The following LNPEP variants were observed in gnomAD, a reference collection of about 807,000 sequenced individuals.
The protein encoded by LNPEP is leucyl-cystinyl aminopeptidase.
In LNPEP, 64 loss-of-function variants were observed where a neutral mutation model predicts 120.6. The observed-to-expected ratio is 0.53, with a 90% CI of 0.43 to 0.65. The LOEUF is 0.65. LNPEP is among the 30% of genes least tolerant of loss of function. The probability of loss-of-function intolerance (pLI) is 0.00; values close to 1 mark genes in which losing one functional copy is unlikely to be tolerated. For missense variants in LNPEP, 1,057 were observed against 1,200.0 expected, an observed-to-expected ratio of 0.88 and a Z score of 1.76; for synonymous variants, 435 against 425.4, an observed-to-expected ratio of 1.02 and a Z score of -0.28.
chr5:96,966,913 A>G (rs1175124614), intron 1 of LNPEP, among the ~76,000 whole-genome samples: 1 of 152,072 alleles, frequency 6.6e-6, no homozygotes, highest in Non-Finnish European at 1.5e-5. Context: ...CACAGCACAC[A>G]TTAGTAGGTA....
In LNPEP at chr5:97,030,812, T is replaced by G. The variant is rs1274441346; in HGVS notation, c.*2279T>G. The G allele has an allele frequency of 1.3e-5, 2 of 152,096 alleles. No homozygotes were observed. The highest frequency in any genetic ancestry group is 2.9e-5 in the Non-Finnish European group (2 of 68,010). The allele number at this position is 152,096 out of a possible 1,614,324, so 9.4% of individuals were successfully genotyped here. On this transcript the variant is annotated 3_prime_UTR_variant, in exon 18 of 18. Transcript: ENST00000231368. Reference sequence around the variant, plus strand: ...TCCATAATAGTTGTAGTTTTTTTGATGTTGTTGCCCTTACCTTAATTATTT... The same window carrying G: ...TCCATAATAGTTGTAGTTTTTTTGAGGTTGTTGCCCTTACCTTAATTATTT...
chr5:97,017,595 A>G (rs1232198244), intron 13 of LNPEP, among the ~76,000 whole-genome samples: 2 of 152,036 alleles, frequency 1.3e-5, no homozygotes, highest in Non-Finnish European at 2.9e-5. Context: ...ATTTTTGTGG[A>G]TGGTGTGAGG....
chr5:97,026,708 T>G lies in LNPEP; in HGVS notation c.2815T>G (p.Leu939Val). The G allele has an allele frequency of 6.2e-7, 1 of 1,613,506 alleles. No homozygotes were observed. The highest frequency in any genetic ancestry group is 8.5e-7 in the Non-Finnish European group (1 of 1,179,416). Residue 939 changes from leucine (L) to valine (V), a missense_variant, in exon 16 of 18, where the codon TTA (leucine) becomes GTA (valine). Leu to Val is a conservative substitution (Grantham distance 32, BLOSUM62 1). Transcript: ENST00000231368. ...RTVGRHFPGH[L>V]LAWDFVKENW... Reference sequence around the variant, plus strand: ...AGTGGGTCGACATTTTCCTGGACACTTACTGGCATGGGATTTTGTCAAAGA... The same window carrying G: ...AGTGGGTCGACATTTTCCTGGACACGTACTGGCATGGGATTTTGTCAAAGA...
chr5:97,008,473 G>A (rs1182770766), intron 11 of LNPEP, among the ~76,000 whole-genome samples: 15 of 142,280 alleles, frequency 1.1e-4, no homozygotes, highest in Admixed American at 2.2e-4. Context: ...GCCTCAGCCT[G>A]CCAAGAAGTT....
chr5:97,002,688 A>C (rs1233491638), intron 8 of LNPEP, among the ~76,000 whole-genome samples: 1 of 152,218 alleles, frequency 6.6e-6, no homozygotes, highest in African/African-American at 2.4e-5. Context: ...TGAGGAAATA[A>C]ATGTGTAACA....
chr5:97,009,025 C>T (rs779620541), intron 11 of LNPEP, among the ~76,000 whole-genome samples: 1 of 152,092 alleles, frequency 6.6e-6, no homozygotes, highest in Non-Finnish European at 1.5e-5. Context: ...CATAGACTAG[C>T]TCATATTTTA....
At chr5:96,944,549 T>TC in intron 1 of LNPEP, among the ~76,000 whole-genome samples, 1 of 147,758 alleles carries the variant, frequency 6.8e-6, no homozygotes, top group East Asian at 2.0e-4. Flanking sequence ...TTTTTGTTTT[T>TC]CTTATTTTTG....
At chr5:96,937,925 G>T (rs1349462464) in intron 1 of LNPEP, among the ~76,000 whole-genome samples, 4 of 152,160 alleles carry the variant, frequency 2.6e-5, no homozygotes, top group Non-Finnish European at 5.9e-5. Flanking sequence ...TTGGATTTCT[G>T]ATTCTTTCCT....
At chr5:96,954,772 A>ATTTTTTTTTTT (rs1160402498) in intron 1 of LNPEP, among the ~76,000 whole-genome samples, 1 of 27,110 alleles carries the variant, frequency 3.7e-5, no homozygotes, top group African/African-American at 1.5e-4. Flanking sequence ...ATATATATAT[A>ATTTTTTTTTTT]TTTTTTTTTT....
At chr5:96,937,341 G>A (rs985764998) in intron 1 of LNPEP, 1 of 152,184 alleles carries the variant, frequency 6.6e-6, no homozygotes, top group Admixed American at 6.5e-5. Flanking sequence ...TCCTAATGTA[G>A]AATGCTTTAT....
chr5:97,005,755 A>C (rs977501108), intron 9 of LNPEP, among the ~76,000 whole-genome samples: 1 of 152,130 alleles, frequency 6.6e-6, no homozygotes, highest in African/African-American at 2.4e-5. Context: ...TAGGGATTTT[A>C]ACTTGATGAA....
chr5:97,034,907 G>A lies in LNPEP; in HGVS notation c.*6374G>A, dbSNP rs7715939. On this transcript the variant is annotated 3_prime_UTR_variant, in exon 18 of 18. Coordinates refer to ENST00000231368, the MANE Select transcript of LNPEP (RefSeq NM_005575.3). ...TAGAATAGATGTTTGGTTTCTTTTG[G>A]GGGTGTCTGAGTGTATATGTGTGTG... 1.3e-4 allele frequency: 20 copies of A among 151,628 alleles called. No homozygotes were observed. The highest frequency in any genetic ancestry group is 4.8e-4 in the African/African-American group (20 of 41,318). The allele number at this position is 151,628 out of a possible 1,614,324, so 9.4% of individuals were successfully genotyped here. A position where few individuals can be genotyped will look rare whatever the true frequency, so the allele number is the denominator to read the frequency against.
chr5:96,943,829 A>T (rs1034185615), intron 1 of LNPEP, among the ~76,000 whole-genome samples: 4 of 152,220 alleles, frequency 2.6e-5, no homozygotes, highest in Non-Finnish European at 5.9e-5. Flanking sequence ...CATATTGCTT[A>T]ATGAAGGTAC....
chr5:96,985,790 G>A (rs1334048963), intron 3 of LNPEP, among the ~76,000 whole-genome samples: 2 of 151,550 alleles, frequency 1.3e-5, no homozygotes, highest in African/African-American at 4.8e-5. Context: ...ACACCTGAGG[G>A]ACTGTGCAGC....
intron 1 of LNPEP, chr5:96,958,446 G>C (rs1301615773): frequency 1.0e-6 from 1 of 985,228 alleles, no homozygotes; most frequent in Non-Finnish European, 1.2e-6. Flanking sequence ...GCTGAACTTG[G>C]GCAAGCTCCT....
At chr5:97,010,515 T>A (rs1790900750) in intron 11 of LNPEP, 1 of 984,572 alleles carries the variant, frequency 1.0e-6, no homozygotes, top group South Asian at 4.7e-5. Context: ...ATAGCATGTA[T>A]GATGCTAGCC....
rs116467966 is a variant in LNPEP, at chr5:96,957,982, C to G, written c.20-21156C>G. Among the ~76,000 whole-genome samples, 1,401 of 152,318 alleles carry G rather than the reference C, an allele frequency of 9.2e-3. 22 individuals carry two copies. The highest frequency in any genetic ancestry group is 0.032 in the African/African-American group (1,317 of 41,564). ...ATTCTCTCCCCTCTGGGATTTCCCC[C>G]ATGCTGTATAGCCTACAGGGTCTAC... On this transcript the variant is annotated intron_variant, in intron 1 of 17. Coordinates refer to ENST00000231368, the MANE Select transcript of LNPEP (RefSeq NM_005575.3).
intron 1 of LNPEP, among the ~76,000 whole-genome samples, chr5:96,964,412 A>C (rs897769653): frequency 1.3e-5 from 2 of 151,970 alleles, no homozygotes; most frequent in African/African-American, 4.8e-5. Context: ...AGAAATGACC[A>C]GTTAACCTTC....
Position 96,979,545 on chromosome 5 carries a change from A to T in LNPEP, c.427A>T (p.Lys143Ter). Residue 143 changes from lysine (K) to a stop codon, truncating the protein, a stop_gained, in exon 2 of 18, where the codon AAA (lysine) becomes TAA (stop). Coordinates refer to ENST00000231368, the MANE Select transcript of LNPEP (RefSeq NM_005575.3). LOFTEE classifies it high-confidence loss of function. ...TACCTTTACCAAAGAAGGCTGCCAT[A>T]AAAAAAACCAGTCAATTGGACTAAT... ...RCTFTKEGCHKKNQSIGLIQP... is the reference protein window; with the variant it reads ...RCTFTKEGCH 1 of 1,613,854 alleles carries T rather than the reference A, an allele frequency of 6.2e-7. No homozygotes were observed. The highest frequency in any genetic ancestry group is 8.5e-7 in the Non-Finnish European group (1 of 1,179,880).
Sources: allele counts gnomAD v4.1 joint callset (sites outside exome capture counted in the v4.1 genomes callset), GRCh38; gene constraint gnomAD v4.1.1; transcripts MANE v1.5; gene names NCBI Gene and HGNC (gene_info 2026-07-23, HGNC 2026-07-21).